PTPRD: variants seen among roughly 807,000 people sequenced by gnomAD.
PTPRD encodes receptor-type tyrosine-protein phosphatase delta.
Under a neutral mutation model 214.5 loss-of-function variants are expected in PTPRD, and 34 were observed. That is an observed-to-expected ratio of 0.16 (90% CI 0.12 to 0.21). The LOEUF is 0.21. PTPRD is among the 10% of genes least tolerant of loss of function. The pLI is 1.00. For missense variants in PTPRD, 2,545 were observed against 2,398.7 expected (o/e 1.06, Z -1.27); for synonymous variants, 1,128 against 845.7 (o/e 1.33, Z -5.79).
intron 11 of PTPRD, among the ~76,000 whole-genome samples, chr9:8,974,685 A>C (rs967808739): frequency 7.2e-5 from 11 of 152,060 alleles, no homozygotes; most frequent in African/African-American, 2.7e-4. Context: ...ACTCTATGTC[A>C]TCTATAACCG....
At chr9:8,998,611 C>A (rs1331647833) in intron 11 of PTPRD, among the ~76,000 whole-genome samples, 1 of 152,038 alleles carries the variant, frequency 6.6e-6, no homozygotes, top group Non-Finnish European at 1.5e-5. Context: ...ATACAACATT[C>A]ATTTTCTAGC....
chr9:8,628,533 T>C (rs1414545788), intron 14 of PTPRD, among the ~76,000 whole-genome samples: 1 of 151,022 alleles, frequency 6.6e-6, no homozygotes, highest in Non-Finnish European at 1.5e-5. Context: ...AATAGGCATG[T>C]CAATGAATCA....
intron 2 of PTPRD, among the ~76,000 whole-genome samples, chr9:10,348,196 T>C (rs567950584): frequency 1.2e-4 from 18 of 152,340 alleles, no homozygotes; most frequent in Middle Eastern, 3.4e-3. Flanking sequence ...CCAGTTATCC[T>C]TCCTGGCTTA....
In PTPRD at chr9:9,076,322, T is replaced by A. The variant is rs572050405; in HGVS notation, c.-142-57587A>T. On this transcript the variant is annotated intron_variant, in intron 10 of 45. Transcript: ENST00000381196. The stretch of plus-strand genomic sequence containing the variant: ...TGTCAGACGGGGAGATTGCAAAAAT[T>A]TTCCCCCGTTCTGTAGGTTGCCTGT... Among the ~76,000 whole-genome samples the A allele has an allele frequency of 2.6e-5, 4 of 152,120 alleles. No homozygotes were observed. In the South Asian group the frequency reaches 8.3e-4, roughly 31 times the overall value.
intron 12 of PTPRD, among the ~76,000 whole-genome samples, chr9:8,647,512 G>C (rs980967726): frequency 1.3e-5 from 2 of 152,082 alleles, no homozygotes; most frequent in African/African-American, 2.4e-5. Flanking sequence ...ATTATAAAGA[G>C]TAAAGATTAC....
intron 14 of PTPRD, among the ~76,000 whole-genome samples, chr9:8,632,606 G>C (rs2096287264): frequency 6.6e-6 from 1 of 151,906 alleles, no homozygotes. Context: ...CTGAATTAGA[G>C]ACATACAACA....
intron 2 of PTPRD, among the ~76,000 whole-genome samples, chr9:10,398,300 G>C (rs2098210314): frequency 6.6e-6 from 1 of 151,690 alleles, no homozygotes; most frequent in South Asian, 2.1e-4. Context: ...AAAATTGCTT[G>C]AGTCCCGAAG....
At chr9:10,331,416 C>T (rs1007897382) in intron 3 of PTPRD, among the ~76,000 whole-genome samples, 6 of 151,808 alleles carry the variant, frequency 4.0e-5, no homozygotes, top group African/African-American at 1.2e-4. Flanking sequence ...ATCTGAAAGC[C>T]CAGACACTGT....
At chr9:10,139,011 A>G (rs2098962697) in intron 3 of PTPRD, among the ~76,000 whole-genome samples, 1 of 152,084 alleles carries the variant, frequency 6.6e-6, no homozygotes, top group Non-Finnish European at 1.5e-5. Flanking sequence ...CACCGCTGCT[A>G]TTCAACATAG....
chr9:10,438,431 C>T (rs1000726124), intron 2 of PTPRD, among the ~76,000 whole-genome samples: 13 of 151,714 alleles, frequency 8.6e-5, no homozygotes, highest in South Asian at 4.2e-4. Context: ...AGCATCTATA[C>T]GGTGATAAAC....
intron 9 of PTPRD, among the ~76,000 whole-genome samples, chr9:9,305,270 C>G (rs951848283): frequency 1.3e-5 from 2 of 151,472 alleles, no homozygotes; most frequent in Non-Finnish European, 2.9e-5. Flanking sequence ...TTTTTTTGTT[C>G]TTTAACAGTA....
chr9:9,905,643 A>AT (rs2077384577), intron 5 of PTPRD, among the ~76,000 whole-genome samples: 2 of 152,112 alleles, frequency 1.3e-5, no homozygotes, highest in African/African-American at 4.8e-5. Context: ...TATAAAACTC[A>AT]GCACAAAACC....
intron 2 of PTPRD, among the ~76,000 whole-genome samples, chr9:10,568,055 T>C (rs188958544): frequency 0.03 from 4,551 of 151,926 alleles, 67 homozygotes; most frequent in Middle Eastern, 0.093. Flanking sequence ...CATGTTGGTG[T>C]GCTGCACCCA....
At chr9:10,190,439 C>T (rs1475040980) in intron 3 of PTPRD, among the ~76,000 whole-genome samples, 3 of 133,634 alleles carry the variant, frequency 2.2e-5, no homozygotes, top group African/African-American at 8.6e-5. Context: ...CAAAGTGGGC[C>T]AGGCGCTGTG....
intron 30 of PTPRD, among the ~76,000 whole-genome samples, chr9:8,478,801 G>A (rs1414400107): frequency 6.6e-6 from 1 of 152,172 alleles, no homozygotes; most frequent in African/African-American, 2.4e-5. Flanking sequence ...AAGTATGAAA[G>A]TAAAGAGATA....
intron 5 of PTPRD, among the ~76,000 whole-genome samples, chr9:9,821,211 A>G (rs1164230742): frequency 6.6e-6 from 1 of 152,160 alleles, no homozygotes; most frequent in East Asian, 1.9e-4. Flanking sequence ...TTGGCTCTCA[A>G]CTTGAAGGTT....
chr9:9,894,975 T>C (rs543404804), intron 5 of PTPRD, among the ~76,000 whole-genome samples: 1 of 152,202 alleles, frequency 6.6e-6, no homozygotes, highest in East Asian at 1.9e-4. Context: ...AAAATATTTC[T>C]AGAAAAAATC....
At chr9:9,358,896 T>G (rs1444862098) in intron 9 of PTPRD, among the ~76,000 whole-genome samples, 1 of 151,354 alleles carries the variant, frequency 6.6e-6, no homozygotes, top group Non-Finnish European at 1.5e-5. Context: ...CAAAGTTGAT[T>G]GCATCCAACC....
intron 2 of PTPRD, among the ~76,000 whole-genome samples, chr9:10,524,441 T>C (rs908088947): frequency 6.6e-6 from 1 of 152,066 alleles, no homozygotes; most frequent in South Asian, 2.1e-4. Flanking sequence ...GGTATGTCTA[T>C]GTATCTATAA....
Sources: gnomAD v4.1 joint callset for allele counts (sites outside exome capture counted in the v4.1 genomes callset) on GRCh38, gnomAD v4.1.1 for gene constraint, MANE v1.5 for transcripts, NCBI Gene and HGNC (gene_info 2026-07-23, HGNC 2026-07-21) for gene names.